The following SCARB1 variants were observed in gnomAD, a reference collection of about 807,000 sequenced individuals.
SCARB1 encodes scavenger receptor class B member 1, also known as CD36 and LIMPII analogous 1.
Under a neutral mutation model 57.2 loss-of-function variants are expected in SCARB1, and 30 were observed. The ratio of observed to expected loss-of-function variants is 0.52; its 90% CI spans 0.39 to 0.71. The LOEUF is 0.71. Ranked by LOEUF, SCARB1 falls within the 30% of genes least tolerant of loss-of-function variation. The pLI, the probability that SCARB1 is intolerant of heterozygous loss-of-function variation, is 0.00. For missense variants in SCARB1, 543 were observed against 671.2 expected (o/e 0.81, Z 2.11); for synonymous variants, 249 against 268.3 (o/e 0.93, Z 0.70).
At chr12:124,779,747 G>A (rs3741521) in intron 12 of SCARB1, among the ~76,000 whole-genome samples, 74,548 of 151,724 alleles carry the variant, frequency 0.49, 21,789 homozygotes, top group Non-Finnish European at 0.66. Flanking sequence ...TCCCTGCCCC[G>A]GTGGCTGGGG....
At chr12:124,848,335 G>C (rs1400277053) in intron 1 of SCARB1, among the ~76,000 whole-genome samples, 1 of 152,202 alleles carries the variant, frequency 6.6e-6, no homozygotes, top group Non-Finnish European at 1.5e-5. Flanking sequence ...ACCCGCCTCG[G>C]CCTCCCACAG....
At chr12:124,804,978 C>T (rs990985838) in intron 7 of SCARB1, among the ~76,000 whole-genome samples, 5 of 152,284 alleles carry the variant, frequency 3.3e-5, no homozygotes, top group South Asian at 4.1e-4. Context: ...CCATTACATG[C>T]GGGGCACAGT....
chr12:124,800,125 G>C lies in SCARB1; in HGVS notation c.1127C>G (p.Pro376Arg). 6.2e-7 allele frequency: 1 copy of C among 1,609,422 alleles called. No individual in the cohort carries two copies. The highest frequency in any genetic ancestry group is 2.2e-5 in the East Asian group (1 of 44,848). ...CCACAGAGGATGGCAGGGGCTCACC[G>C]GGTGGATGTCCAGGAACAAGGAGTG... is the stretch of plus-strand genomic sequence containing the variant. The part of the protein sequence containing the change: ...EAHSLFLDIH[P>R]VTGIPMNCSV... Residue 376 changes from proline to arginine, a missense_variant and splice_region_variant, in exon 8 of 13, where the codon CCG (proline) becomes CGG (arginine). Physicochemically the swap from Pro to Arg is moderately radical, Grantham distance 103. Coordinates refer to ENST00000261693, the MANE Select transcript of SCARB1 (RefSeq NM_005505.5). The surrounding 1 kb of genome is among the most constrained non-coding windows in gnomAD (Gnocchi z 4.8).
At chr12:124,809,542 G>A (rs1950448431) in intron 6 of SCARB1, among the ~76,000 whole-genome samples, 1 of 152,184 alleles carries the variant, frequency 6.6e-6, no homozygotes, top group South Asian at 2.1e-4. Context: ...GCCCTGATAG[G>A]ACACAGCCTC....
rs1451626084 is a variant in SCARB1 at position 124,811,923 on chromosome 12, C to T, written c.673G>A (p.Val225Ile). ...DSGLFTVFTG[V>I]QNISRIHLVD... ...AGGTGGATCCTGCTGATGTTCTGGACCCCCGTGAACACCGTGAAGAGCCCA... is the reference window on the plus strand; with the variant it reads ...AGGTGGATCCTGCTGATGTTCTGGATCCCCGTGAACACCGTGAAGAGCCCA... Residue 225 changes from valine (V) to isoleucine (I), a missense_variant, in exon 5 of 13, where the codon GTC (valine) becomes ATC (isoleucine). Transcript: ENST00000261693. 1 of 1,613,366 alleles carries T rather than the reference C, an allele frequency of 6.2e-7. No homozygotes were observed. Among genetic ancestry groups the T allele is most frequent in the South Asian group, 1.1e-5 (1 of 90,842 alleles).
intron 11 of SCARB1, chr12:124,784,705 G>C (rs927577267): frequency 1.3e-5 from 2 of 152,404 alleles, no homozygotes; most frequent in Non-Finnish European, 2.9e-5. Flanking sequence ...GTGGCCCTAG[G>C]ATGATGCAGG....
chr12:124,839,757 C>T (rs1377178935), intron 1 of SCARB1: 5 of 1,912 alleles, frequency 2.6e-3, no homozygotes, highest in African/African-American at 0.012. Flanking sequence ...CCGATTTCTC[C>T]GCACCCTCAC....
chr12:124,831,924 G>A (rs1357661383), intron 1 of SCARB1, among the ~76,000 whole-genome samples: 4 of 152,118 alleles, frequency 2.6e-5, no homozygotes, highest in South Asian at 2.1e-4. Context: ...GCTCAGGAAC[G>A]CAATCCAGGT....
At chr12:124,806,471 A>C (rs1950328629) in intron 7 of SCARB1, among the ~76,000 whole-genome samples, 1 of 152,184 alleles carries the variant, frequency 6.6e-6, no homozygotes. Flanking sequence ...GATGTTACGT[A>C]ACACACAGAC....
At chr12:124,795,589 CT>C (rs1949916753) in intron 8 of SCARB1, among the ~76,000 whole-genome samples, 1 of 152,222 alleles carries the variant, frequency 6.6e-6, no homozygotes, top group South Asian at 2.1e-4. Flanking sequence ...TACCTAATCA[CT>C]TTCACCTGTC....
intron 1 of SCARB1, among the ~76,000 whole-genome samples, chr12:124,858,624 A>C (rs976759185): frequency 3.3e-5 from 5 of 151,972 alleles, no homozygotes; most frequent in African/African-American, 1.2e-4. Context: ...TCACACCTGT[A>C]ATCCCAGCAC....
Position 124,822,342 on chromosome 12 carries a change from A to G in SCARB1, c.127-4635T>C, listed in dbSNP as rs531466208. 8.2e-4 allele frequency among the ~76,000 whole-genome samples: 125 copies of G among 152,342 alleles called. No individual in the cohort carries two copies. Among genetic ancestry groups the G allele is most frequent in the Non-Finnish European group, 1.5e-3 (100 of 68,034 alleles). ...AATGGAATGCTACCTGGCAATCAAAAAGAACCAACCATGGATGAACACCAC... is the reference window on the plus strand; with the variant it reads ...AATGGAATGCTACCTGGCAATCAAAGAGAACCAACCATGGATGAACACCAC... On this transcript the variant is annotated intron_variant, in intron 1 of 12. Transcript: ENST00000261693. This position sits in a 1 kb window ranked among gnomAD's most constrained non-coding sequence, Gnocchi z 5.0.
chr12:124,807,612 T>C lies in SCARB1; in HGVS notation c.1009+149A>G, dbSNP rs908840569. 9.0e-5 allele frequency: 68 copies of C among 753,752 alleles called. No homozygotes were observed. In the African/African-American group the frequency reaches 1.0e-3, roughly 12 times the overall value. The allele number at this position is 753,752 out of a possible 1,614,324, so 46.7% of individuals were successfully genotyped here. ...ACCTGGCATTTCTTCCTTTTCAGAT[T>C]ATCTTCCTGCGGCCTCATTATCTTC... On this transcript the variant is annotated intron_variant, in intron 7 of 12. Coordinates refer to ENST00000261693, the MANE Select transcript of SCARB1 (RefSeq NM_005505.5). This position sits in a 1 kb window ranked among gnomAD's most constrained non-coding sequence, Gnocchi z 5.3.
At chr12:124,845,017 A>C (rs1198656897) in intron 1 of SCARB1, among the ~76,000 whole-genome samples, 1 of 151,692 alleles carries the variant, frequency 6.6e-6, no homozygotes, top group Non-Finnish European at 1.5e-5. Context: ...CAGGCTCCGG[A>C]ATCTAGGACT....
At chr12:124,786,044 TC>T (rs1949500320) in intron 11 of SCARB1, 1 of 1,505,002 alleles carries the variant, frequency 6.6e-7, no homozygotes, top group Non-Finnish European at 8.9e-7. Flanking sequence ...GAACCTGGCA[TC>T]CCCGGGTGCT....
Position 124,807,753 on chromosome 12 carries a change from G to C in SCARB1, c.1009+8C>G. 2 of 1,613,980 alleles carry C rather than the reference G, an allele frequency of 1.2e-6. No homozygotes were observed. Among genetic ancestry groups the C allele is most frequent in the Non-Finnish European group, 1.7e-6 (2 of 1,179,910 alleles). On this transcript the variant is annotated splice_region_variant and intron_variant, in intron 7 of 12. Coordinates refer to ENST00000261693, the MANE Select transcript of SCARB1 (RefSeq NM_005505.5). The surrounding 1 kb of genome is among the most constrained non-coding windows in gnomAD (Gnocchi z 5.3). ...TCCCGCCATCCCAGCACAGGGGACG[G>C]CACGTACTGAACCTGCAGGTGCTGA... is the stretch of plus-strand genomic sequence containing the variant.
At chr12:124,811,992 G>A (rs374322109) in intron 4 of SCARB1, 27 bp from the exon 5 acceptor site, 41 of 1,561,758 alleles carry the variant, frequency 2.6e-5, no homozygotes, top group Non-Finnish European at 3.1e-5. Flanking sequence ...GAACAGCATC[G>A]TAAGGCTTAG....
intron 1 of SCARB1, among the ~76,000 whole-genome samples, chr12:124,824,526 G>T (rs1042051301): frequency 6.6e-6 from 1 of 152,234 alleles, no homozygotes; most frequent in African/African-American, 2.4e-5. Context: ...TGAATTTTAC[G>T]TTAACTGGAT....
At position 124,863,860 on chromosome 12, in the gene SCARB1, G is replaced by C; in HGVS notation, c.-140C>G. On this transcript the variant is annotated 5_prime_UTR_variant, in exon 1 of 13. Transcript: ENST00000261693. Reference sequence around the variant, plus strand: ...CGGTGGATCCGGGACGGCAGCGCACGCAGGAGCAGCCCGGCAGGTGGCCAG... The same window carrying C: ...CGGTGGATCCGGGACGGCAGCGCACCCAGGAGCAGCCCGGCAGGTGGCCAG... The C allele has an allele frequency of 9.1e-7, 1 of 1,095,762 alleles. No homozygotes were observed. Among genetic ancestry groups the C allele is most frequent in the South Asian group, 2.2e-5 (1 of 46,416 alleles). The allele number at this position is 1,095,762 out of a possible 1,614,324, so 67.9% of individuals were successfully genotyped here.
Sources: gnomAD v4.1 joint callset for allele counts (sites outside exome capture counted in the v4.1 genomes callset) on GRCh38, gnomAD v4.1.1 for gene constraint, Gnocchi (gnomAD v3.1) non-coding constraint, MANE v1.5 for transcripts, NCBI Gene and HGNC (gene_info 2026-07-23, HGNC 2026-07-21) for gene names.